SKAP2: variants seen among roughly 807,000 people sequenced by gnomAD.
The protein encoded by SKAP2 is src kinase-associated phosphoprotein 2.
A neutral mutation model predicts 54.9 loss-of-function variants in SKAP2; 28 were observed. That is an observed-to-expected ratio of 0.51 (90% CI 0.38 to 0.70). The LOEUF (loss-of-function observed/expected upper bound fraction) is 0.70. SKAP2 is among the 30% of genes least tolerant of loss of function. SKAP2 has a pLI of 0.00. For synonymous variants in SKAP2, 137 were observed against 134.3 expected, an observed-to-expected ratio of 1.02 and a Z score of -0.14; for missense variants, 356 against 424.1, an observed-to-expected ratio of 0.84 and a Z score of 1.41.
intron 4 of SKAP2, among the ~76,000 whole-genome samples, chr7:26,824,881 C>T (rs117793121): frequency 3.3e-5 from 5 of 152,224 alleles, no homozygotes; most frequent in Middle Eastern, 3.4e-3. Context: ...ATGACTTGTC[C>T]TAAGCTGTAT....
In SKAP2 at chr7:26,684,742, A is replaced by G. The variant is rs924016199; in HGVS notation, c.981T>C (p.Leu327=). The G allele has an allele frequency of 4.4e-6, 7 of 1,601,948 alleles. No individual in the cohort carries two copies. The highest frequency in any genetic ancestry group is 1.7e-4 in the Middle Eastern group (1 of 6,054). ...TTTTGGGGTATCTTCTTACCTTGCTAAGAATGTAAATCACATCACCACGCT... is the reference window on the plus strand; with the variant it reads ...TTTTGGGGTATCTTCTTACCTTGCTGAGAATGTAAATCACATCACCACGCT... ...SFKRGDVIYI[L]SKEYNRYGWW... The change falls in exon 11 of 13, where the codon CTT becomes CTC. Residue 327 remains leucine (L), a synonymous_variant. Transcript: ENST00000345317.
At chr7:26,688,434 A>T (rs1049898073) in intron 10 of SKAP2, among the ~76,000 whole-genome samples, 1 of 152,162 alleles carries the variant, frequency 6.6e-6, no homozygotes, top group African/African-American at 2.4e-5. Context: ...TCAATGTGAA[A>T]TATATATAAC....
At chr7:26,795,720 T>G (rs1477213521) in intron 4 of SKAP2, among the ~76,000 whole-genome samples, 1 of 152,224 alleles carries the variant, frequency 6.6e-6, no homozygotes, top group Non-Finnish European at 1.5e-5. Context: ...CAGGCACCTA[T>G]GAAGAGTACT....
intron 8 of SKAP2, 135 bp from the exon 9 acceptor site, chr7:26,725,700 T>C (rs1020264293): frequency 1.8e-5 from 18 of 1,000,238 alleles, no homozygotes; most frequent in Non-Finnish European, 2.6e-5. Context: ...TAAAAACATG[T>C]TTAAAAATTG....
rs560723256 is a variant in SKAP2, at chr7:26,668,054, CTTTTT to C, written c.*1607_*1611del. On this transcript the variant is annotated 3_prime_UTR_variant, in exon 13 of 13. Transcript: ENST00000345317. ...ACTCACAATCCCTAAAATCAAATTT[CTTTTT>C]TTTTTTCACATTTGAGATTGGATGA... The C allele has an allele frequency of 6.8e-6, 1 of 148,080 alleles. No individual in the cohort carries two copies. The highest frequency in any genetic ancestry group is 1.5e-5 in the Non-Finnish European group (1 of 66,806). 9.2% of individuals were successfully genotyped at this position (148,080 alleles called of 1,614,324 possible). A position where few individuals can be genotyped will look rare whatever the true frequency, so the allele number is the denominator to read the frequency against.
chr7:26,656,888 T>C, the SKAP2 span, among the ~76,000 whole-genome samples: 1 of 152,108 alleles, frequency 6.6e-6, no homozygotes, highest in East Asian at 1.9e-4. Context: ...TACTCCCAGA[T>C]TATGAGTCTA....
At chr7:26,798,546 A>G (rs1340443694) in intron 4 of SKAP2, among the ~76,000 whole-genome samples, 1 of 152,146 alleles carries the variant, frequency 6.6e-6, no homozygotes, top group East Asian at 1.9e-4. Context: ...AAGGACATTA[A>G]TGAGCAATAA....
At chr7:26,746,446 A>C (rs1782561625) in intron 4 of SKAP2, 2 of 152,284 alleles carry the variant, frequency 1.3e-5, no homozygotes, top group African/African-American at 4.8e-5. Flanking sequence ...AAACAAAATA[A>C]GACTATGCAC....
intron 3 of SKAP2, among the ~76,000 whole-genome samples, chr7:26,844,969 T>G (rs895565195): frequency 5.3e-5 from 8 of 152,164 alleles, no homozygotes; most frequent in South Asian, 2.1e-4. Flanking sequence ...TTTAAAATAA[T>G]TTTTTTAAAA....
chr7:26,776,162 A>T (rs1783303476), intron 4 of SKAP2, among the ~76,000 whole-genome samples: 1 of 152,024 alleles, frequency 6.6e-6, no homozygotes, highest in African/African-American at 2.4e-5. Context: ...TGGTCGTTTT[A>T]TACAGTTTTT....
At chr7:26,685,787 G>T (rs865979374) in intron 10 of SKAP2, among the ~76,000 whole-genome samples, 28 of 152,172 alleles carry the variant, frequency 1.8e-4, no homozygotes, top group African/African-American at 6.8e-4. Flanking sequence ...GTTACACTAA[G>T]AACTGTTTCC....
chr7:26,821,406 G>T (rs1446546438), intron 4 of SKAP2, among the ~76,000 whole-genome samples: 2 of 152,154 alleles, frequency 1.3e-5, no homozygotes, highest in Non-Finnish European at 2.9e-5. Context: ...CTAAAATTCT[G>T]TAAAATAGAA....
At chr7:26,773,308 T>C (rs1477527957) in intron 4 of SKAP2, among the ~76,000 whole-genome samples, 1 of 152,234 alleles carries the variant, frequency 6.6e-6, no homozygotes, top group Admixed American at 6.5e-5. Flanking sequence ...CCTTCTTTTT[T>C]CCCATTGCTG....
intron 4 of SKAP2, among the ~76,000 whole-genome samples, chr7:26,753,744 C>G (rs1020997585): frequency 6.6e-6 from 1 of 152,140 alleles, no homozygotes; most frequent in African/African-American, 2.4e-5. Flanking sequence ...ATGTGCCAGG[C>G]ACTGTGATGG....
chr7:26,742,116 G>A (rs1217486016), intron 4 of SKAP2, among the ~76,000 whole-genome samples: 1 of 151,854 alleles, frequency 6.6e-6, no homozygotes, highest in Non-Finnish European at 1.5e-5. Context: ...TTTATTATAG[G>A]ATTTTGTACA....
At chr7:26,828,900 G>A (rs142000575) in intron 4 of SKAP2, among the ~76,000 whole-genome samples, 3,047 of 151,782 alleles carry the variant, frequency 0.02, 102 homozygotes, top group African/African-American at 0.07. Context: ...GGTGGTGTGC[G>A]CTTGTAATCC....
intron 4 of SKAP2, among the ~76,000 whole-genome samples, chr7:26,754,012 T>C (rs968134541): frequency 1.3e-5 from 2 of 152,102 alleles, no homozygotes; most frequent in African/African-American, 2.4e-5. Context: ...AGGAAGAAAA[T>C]TGGGACAGAA....
intron 3 of SKAP2, among the ~76,000 whole-genome samples, chr7:26,851,395 G>A (rs1785039314): frequency 6.6e-6 from 1 of 152,006 alleles, no homozygotes; most frequent in Admixed American, 6.6e-5. Context: ...ACTGAGCCAA[G>A]ATGGTGCCGC....
intron 6 of SKAP2, among the ~76,000 whole-genome samples, chr7:26,732,520 A>G (rs1166492099): frequency 6.6e-6 from 1 of 152,222 alleles, no homozygotes; most frequent in Admixed American, 6.5e-5. Flanking sequence ...ACAAATGGCT[A>G]GCAAACAAAA....
Sources: gnomAD v4.1 joint callset for allele counts (sites outside exome capture counted in the v4.1 genomes callset) on GRCh38, gnomAD v4.1.1 for gene constraint, MANE v1.5 for transcripts, NCBI Gene and HGNC (gene_info 2026-07-23, HGNC 2026-07-21) for gene names.